The following TMEM63C variants were observed in gnomAD, a reference collection of about 807,000 sequenced individuals.
TMEM63C encodes osmosensitive cation channel TMEM63C.
Under a neutral mutation model 99.2 loss-of-function variants are expected in TMEM63C, and 32 were observed. The observed-to-expected ratio is 0.32, with a 90% CI of 0.24 to 0.43. TMEM63C has a LOEUF of 0.43. Ranked by LOEUF, TMEM63C falls within the 20% of genes least tolerant of loss-of-function variation. The pLI is 1.00. For synonymous variants in TMEM63C, 376 were observed against 397.9 expected (o/e 0.94, Z 0.66); for missense variants, 826 against 1,053.0 (o/e 0.78, Z 2.98).
At chr14:77,222,836 C>T (rs886429000) in intron 5 of TMEM63C, among the ~76,000 whole-genome samples, 1 of 152,238 alleles carries the variant, frequency 6.6e-6, no homozygotes, top group Non-Finnish European at 1.5e-5. Flanking sequence ...AAAATGCATT[C>T]CTTTTCTTCA....
At chr14:77,195,185 G>A (rs989174187) in intron 1 of TMEM63C, among the ~76,000 whole-genome samples, 3 of 152,116 alleles carry the variant, frequency 2.0e-5, no homozygotes, top group African/African-American at 7.2e-5. Flanking sequence ...TTTTAAATTC[G>A]TTTCTCAGTG....
At chr14:77,211,698 T>C (rs1450071275) in intron 1 of TMEM63C, among the ~76,000 whole-genome samples, 2 of 152,270 alleles carry the variant, frequency 1.3e-5, no homozygotes, top group Non-Finnish European at 2.9e-5. Flanking sequence ...CTAGCCCTTT[T>C]TGAAGCCTTT....
At chr14:77,211,847 A>C (rs1040094403) in intron 1 of TMEM63C, among the ~76,000 whole-genome samples, 2 of 152,204 alleles carry the variant, frequency 1.3e-5, no homozygotes, top group African/African-American at 4.8e-5. Context: ...TGCAGCTAGG[A>C]GGGGCCCTGA....
intron 1 of TMEM63C, among the ~76,000 whole-genome samples, chr14:77,189,040 TCAA>T (rs1003297889): frequency 1.3e-5 from 2 of 152,066 alleles, no homozygotes; most frequent in African/African-American, 4.8e-5. Flanking sequence ...TGAATAAATT[TCAA>T]AAACAATGTT....
intron 10 of TMEM63C, 114 bp downstream of exon 10, chr14:77,238,881 T>G: frequency 2.3e-5 from 17 of 751,392 alleles, no homozygotes; most frequent in Non-Finnish European, 2.7e-5. Context: ...CACCCCGGGG[T>G]GGCTCTCCCT....
At chr14:77,207,592 T>G (rs763243391) in intron 1 of TMEM63C, among the ~76,000 whole-genome samples, 18 of 152,214 alleles carry the variant, frequency 1.2e-4, no homozygotes, top group Non-Finnish European at 2.2e-4. Flanking sequence ...CCTTTGTCTC[T>G]CTCCAGCTGT....
intron 22 of TMEM63C, 130 bp from the exon 23 acceptor site, chr14:77,253,175 C>G (rs1366699508): frequency 1.2e-6 from 1 of 811,000 alleles, no homozygotes; most frequent in Non-Finnish European, 2.1e-6. Context: ...GGCTGAAGGT[C>G]TGGAAAGACA....
chr14:77,251,651 G>T, intron 21 of TMEM63C, 138 bp from the exon 22 acceptor site: 1 of 663,446 alleles, frequency 1.5e-6, no homozygotes, highest in Non-Finnish European at 2.7e-6. Flanking sequence ...CAGACTCCTA[G>T]ATGCCAGTTG....
chr14:77,248,751 C>A lies in TMEM63C; in HGVS notation c.1765-16C>A. The stretch of plus-strand genomic sequence containing the variant: ...GGACTGGGCCACCTCAGGGTGACAC[C>A]TGCCTTCTGCCCCAGAACCAGGCCA... On this transcript the variant is annotated splice_polypyrimidine_tract_variant and intron_variant, in intron 19 of 23. Transcript: ENST00000298351. 6.2e-7 allele frequency: 1 copy of A among 1,612,354 alleles called. No homozygotes were observed. Among genetic ancestry groups the A allele is most frequent in the Non-Finnish European group, 8.5e-7 (1 of 1,178,390 alleles).
rs147774132 is a variant in TMEM63C, at chr14:77,206,621, G to A, written c.-76-6825G>A. Among the ~76,000 whole-genome samples, 11 of 152,306 alleles carry A rather than the reference G, an allele frequency of 7.2e-5. No individual in the cohort carries two copies. In the East Asian group the frequency reaches 1.9e-3, roughly 27 times the overall value. ...ACCACTGGGCTGCATGTCACTGTGAGAGCTCAGTCCCTCCACCCTCTCCTC... is the reference window on the plus strand; with the variant it reads ...ACCACTGGGCTGCATGTCACTGTGAAAGCTCAGTCCCTCCACCCTCTCCTC... On this transcript the variant is annotated intron_variant, in intron 1 of 23. Transcript: ENST00000298351.
chr14:77,231,028 T>C (rs369059), intron 6 of TMEM63C, among the ~76,000 whole-genome samples: 28,154 of 152,176 alleles, frequency 0.19, 2,739 homozygotes, highest in Non-Finnish European at 0.21. Context: ...CAGTAGATAA[T>C]ACCAACTGTT....
intron 1 of TMEM63C, among the ~76,000 whole-genome samples, chr14:77,186,033 A>T (rs559716161): frequency 6.6e-6 from 1 of 151,424 alleles, no homozygotes; most frequent in South Asian, 2.1e-4. Flanking sequence ...TTTTTTTGAA[A>T]CAGAGTCTCG....
chr14:77,192,357 C>T (rs1888126011), intron 1 of TMEM63C, among the ~76,000 whole-genome samples: 1 of 152,094 alleles, frequency 6.6e-6, no homozygotes, highest in Non-Finnish European at 1.5e-5. Flanking sequence ...TATCCTAGGT[C>T]CAGTAGAGTG....
intron 1 of TMEM63C, among the ~76,000 whole-genome samples, chr14:77,206,954 A>G (rs1888412788): frequency 6.7e-6 from 1 of 150,312 alleles, no homozygotes; most frequent in Non-Finnish European, 1.5e-5. Flanking sequence ...TTTATTTCCT[A>G]TTTTACCTTT....
intron 9 of TMEM63C, among the ~76,000 whole-genome samples, chr14:77,237,704 C>G (rs1290388059): frequency 6.6e-6 from 1 of 152,240 alleles, no homozygotes; most frequent in Non-Finnish European, 1.5e-5. Flanking sequence ...CGGGAAAGAG[C>G]AGTCGCAGTA....
chr14:77,191,040 A>G (rs1030806869), intron 1 of TMEM63C, among the ~76,000 whole-genome samples: 3 of 152,248 alleles, frequency 2.0e-5, no homozygotes, highest in Admixed American at 6.5e-5. Flanking sequence ...GGTAATAACT[A>G]TTAGAAGCAA....
chr14:77,249,007 C>T (rs1218886461), intron 20 of TMEM63C, 135 bp downstream of exon 20: 3 of 892,614 alleles, frequency 3.4e-6, no homozygotes, highest in Admixed American at 1.8e-5. Context: ...CAGGGCCAAG[C>T]TGGGGGTACA....
At chr14:77,243,574 C>T (rs1170550496) in intron 15 of TMEM63C, among the ~76,000 whole-genome samples, 1 of 152,158 alleles carries the variant, frequency 6.6e-6, no homozygotes, top group East Asian at 1.9e-4. Flanking sequence ...CACCTGCACT[C>T]CAGGCTGGGA....
rs777420884 is a variant in TMEM63C, at chr14:77,239,431, G to A, written c.745G>A (p.Val249Ile). 1 of 1,613,696 alleles carries A rather than the reference G, an allele frequency of 6.2e-7. No individual in the cohort carries two copies. Among genetic ancestry groups the A allele is most frequent in the Non-Finnish European group, 8.5e-7 (1 of 1,179,886 alleles). ...KHFHEAYPGS[V>I]VTRVHFCYDV... ...CTGCAGCGAGGCCTATCCAGGCAGT[G>A]TCGTGACAAGAGTCCACTTCTGCTA... The change falls in exon 11 of 24, where the codon GTC becomes ATC. Residue 249 changes from valine (V) to isoleucine (I), a missense_variant. Coordinates refer to ENST00000298351, the MANE Select transcript of TMEM63C (RefSeq NM_020431.4).
Sources: gnomAD v4.1 joint callset for allele counts (sites outside exome capture counted in the v4.1 genomes callset) on GRCh38, gnomAD v4.1.1 for gene constraint, MANE v1.5 for transcripts, NCBI Gene and HGNC (gene_info 2026-07-23, HGNC 2026-07-21) for gene names.